SULF1: variants seen among roughly 807,000 people sequenced by gnomAD.
The protein encoded by SULF1 is extracellular sulfatase Sulf-1.
A neutral mutation model predicts 110.5 loss-of-function variants in SULF1; 46 were observed. That is an observed-to-expected ratio of 0.42 (90% CI 0.33 to 0.53). The LOEUF is 0.53. Ranked by LOEUF, SULF1 falls within the 20% of genes least tolerant of loss-of-function variation. The probability of loss-of-function intolerance (pLI) is 0.12; values close to 1 mark genes in which losing one functional copy is unlikely to be tolerated. For synonymous variants in SULF1, 371 were observed against 387.1 expected, an observed-to-expected ratio of 0.96 and a Z score of 0.49; for missense variants, 941 against 1,094.2, an observed-to-expected ratio of 0.86 and a Z score of 1.98.
chr8:69,638,693 C>G, intron 20 of SULF1, 42 bp from the exon 21 acceptor site: 12 of 1,612,880 alleles, frequency 7.4e-6, no homozygotes, highest in Non-Finnish European at 1.0e-5. Context: ...AATAGGATAA[C>G]CAGACATAAG....
At chr8:69,634,668 G>A (rs953989939) in intron 19 of SULF1, among the ~76,000 whole-genome samples, 8 of 152,042 alleles carry the variant, frequency 5.3e-5, no homozygotes, top group African/African-American at 1.9e-4. Flanking sequence ...GGCTGAGGTG[G>A]GAGAGTCACT....
rs1815679010 is a variant in SULF1 at position 69,563,839 on chromosome 8, G to A, written c.-60-77G>A. The A allele has an allele frequency of 7.4e-6, 6 of 814,806 alleles. No individual in the cohort carries two copies. The East Asian group carries it at 1.6e-4, about 21-fold the overall frequency. 50.5% of individuals were successfully genotyped at this position (814,806 alleles called of 1,614,324 possible). ...ATGTGCCAATACTGACTTATTTGTA[G>A]CCCTTTCTCTGCAACTGTGCTTGGA... is the stretch of plus-strand genomic sequence containing the variant. On this transcript the variant is annotated intron_variant, in intron 4 of 22. Coordinates refer to ENST00000402687, the MANE Select transcript of SULF1 (RefSeq NM_001128205.2).
At chr8:69,563,147 A>T (rs1349846898) in intron 3 of SULF1, 1 of 152,488 alleles carries the variant, frequency 6.6e-6, no homozygotes, top group Non-Finnish European at 1.5e-5. Flanking sequence ...CACGCAGGTG[A>T]GTCAGCGCTC....
At chr8:69,500,664 A>G (rs994367291) in intron 2 of SULF1, among the ~76,000 whole-genome samples, 1 of 152,226 alleles carries the variant, frequency 6.6e-6, no homozygotes, top group East Asian at 1.9e-4. Flanking sequence ...TTGTGATATC[A>G]GCACCATGGA....
chr8:69,628,202 C>T lies in SULF1; in HGVS notation c.2074C>T (p.Gln692Ter). The T allele has an allele frequency of 6.2e-7, 1 of 1,613,946 alleles. No individual in the cohort carries two copies. The highest frequency in any genetic ancestry group is 1.7e-5 in the Admixed American group (1 of 60,014). The change falls in exon 18 of 23, where the codon CAA becomes TAA. Residue 692 changes from glutamine to a stop codon, truncating the protein, a stop_gained. Transcript: ENST00000402687. LOFTEE classifies it high-confidence loss of function. ...CAATAAAGAGAAAGGTGTAAAAAAG[C>T]AAGAGAAATTAAAGAGCCATCTTCA... is the stretch of plus-strand genomic sequence containing the variant. ...YYNKEKGVKK[Q>*]EKLKSHLHPF...
chr8:69,580,342 T>A (rs747690870), intron 6 of SULF1, among the ~76,000 whole-genome samples: 6 of 152,208 alleles, frequency 3.9e-5, no homozygotes, highest in Non-Finnish European at 5.9e-5. Context: ...ATTATGAGGA[T>A]ATCAACATTA....
At chr8:69,561,175 A>C (rs1336818874) in intron 3 of SULF1, among the ~76,000 whole-genome samples, 1 of 152,238 alleles carries the variant, frequency 6.6e-6, no homozygotes, top group Non-Finnish European at 1.5e-5. Flanking sequence ...TAGACATGTT[A>C]ATTAGCTTGA....
intron 15 of SULF1, among the ~76,000 whole-genome samples, chr8:69,626,905 A>C (rs1179318143): frequency 1.3e-5 from 2 of 152,218 alleles, no homozygotes; most frequent in Non-Finnish European, 2.9e-5. Flanking sequence ...TGGCCAGCTC[A>C]GAAAGGGGCT....
upstream of SULF1, chr8:69,492,714 A>AGT (rs1257289294): frequency 2.0e-5 from 3 of 152,234 alleles, no homozygotes; most frequent in African/African-American, 7.3e-5. Context: ...ATTCACCCTT[A>AGT]GTGTAACTTC....
At chr8:69,496,972 C>T (rs1810405246) in intron 2 of SULF1, among the ~76,000 whole-genome samples, 1 of 152,102 alleles carries the variant, frequency 6.6e-6, no homozygotes, top group Non-Finnish European at 1.5e-5. Context: ...GGCCCCATGT[C>T]AATTGTGTAT....
chr8:69,492,519 C>T (rs954930616), upstream of SULF1, among the ~76,000 whole-genome samples: 1 of 152,172 alleles, frequency 6.6e-6, no homozygotes, highest in African/African-American at 2.4e-5. Flanking sequence ...CCATCCACTC[C>T]ATCCTGCCAC....
chr8:69,637,767 G>C (rs1811170559), intron 19 of SULF1: 1 of 152,366 alleles, frequency 6.6e-6, no homozygotes, highest in South Asian at 2.1e-4. Context: ...AACATAGAGA[G>C]ACCCCATCTC....
chr8:69,592,221 A>G (rs1028806037), intron 8 of SULF1, among the ~76,000 whole-genome samples: 5 of 152,204 alleles, frequency 3.3e-5, no homozygotes, highest in African/African-American at 1.2e-4. Context: ...GAGGCAATCT[A>G]AGATGTGTCC....
chr8:69,577,167 C>T (rs1805668267), intron 6 of SULF1, among the ~76,000 whole-genome samples: 1 of 152,210 alleles, frequency 6.6e-6, no homozygotes, highest in South Asian at 2.1e-4. Flanking sequence ...TCCCGTGCAT[C>T]TCAAGGGTGT....
At chr8:69,629,072 T>C (rs1411966198) in intron 18 of SULF1, among the ~76,000 whole-genome samples, 1 of 152,214 alleles carries the variant, frequency 6.6e-6, no homozygotes, top group Non-Finnish European at 1.5e-5. Flanking sequence ...CTCACTCTTT[T>C]GCCCAGGCTT....
chr8:69,627,816 A>G lies in SULF1; in HGVS notation c.1992A>G (p.Arg664=). 6.2e-7 allele frequency: 1 copy of G among 1,613,576 alleles called. No individual in the cohort carries two copies. The highest frequency in any genetic ancestry group is 2.2e-5 in the East Asian group (1 of 44,870). Residue 664 remains arginine (R), a synonymous_variant, in exon 17 of 23, where the codon AGA becomes AGG. Coordinates refer to ENST00000402687, the MANE Select transcript of SULF1 (RefSeq NM_001128205.2). ...QDKIKNLREV[R]GHLKRRKPEE... Reference sequence around the variant, plus strand: ...AAATTAAGAATTTAAGAGAAGTGAGAGGACATCTGAAGAGAAGGAAGCCTG... The same window carrying G: ...AAATTAAGAATTTAAGAGAAGTGAGGGGACATCTGAAGAGAAGGAAGCCTG...
At chr8:69,537,097 C>T (rs2150658684) in intron 3 of SULF1, among the ~76,000 whole-genome samples, 1 of 152,324 alleles carries the variant, frequency 6.6e-6, no homozygotes, top group African/African-American at 2.4e-5. Context: ...CAAACGTAAG[C>T]TTCTATCATT....
chr8:69,488,330 T>C (rs548165719), upstream of SULF1, among the ~76,000 whole-genome samples: 193 of 152,306 alleles, frequency 1.3e-3, no homozygotes, highest in African/African-American at 4.5e-3. Flanking sequence ...ATGACAAGAG[T>C]AGAAGTGTCA....
intron 7 of SULF1, among the ~76,000 whole-genome samples, 158 bp from the exon 8 acceptor site, chr8:69,588,814 G>A (rs1046546118): frequency 3.3e-5 from 5 of 152,056 alleles, no homozygotes; most frequent in African/African-American, 7.3e-5. Context: ...CTCTATTATC[G>A]AAAATGTTCG....
Sources: allele counts gnomAD v4.1 joint callset (sites outside exome capture counted in the v4.1 genomes callset), GRCh38; gene constraint gnomAD v4.1.1; transcripts MANE v1.5; gene names NCBI Gene and HGNC (gene_info 2026-07-23, HGNC 2026-07-21).